The following GALNT9 variants were observed in gnomAD, a reference collection of about 807,000 sequenced individuals.
GALNT9 encodes polypeptide N-acetylgalactosaminyltransferase 9.
GALNT9 carries 47 observed loss-of-function variants against 63.1 expected under a neutral mutation model. The observed-to-expected ratio is 0.75, with a 90% CI of 0.59 to 0.95. The LOEUF is 0.95. Ranked by LOEUF, GALNT9 falls within the 40% of genes least tolerant of loss-of-function variation. GALNT9 has a pLI of 0.00. For synonymous variants in GALNT9, 396 were observed against 365.7 expected (o/e 1.08, Z -0.94); for missense variants, 829 against 874.8 (o/e 0.95, Z 0.66).
intron 2 of GALNT9, among the ~76,000 whole-genome samples, chr12:132,268,011 A>C (rs1879709982): frequency 6.6e-6 from 1 of 151,666 alleles, no homozygotes; most frequent in Non-Finnish European, 1.5e-5. Flanking sequence ...ACACAGGCAG[A>C]TACACACGAA....
intron 4 of GALNT9, among the ~76,000 whole-genome samples, chr12:132,258,093 G>C (rs1001603109): frequency 2.6e-5 from 4 of 152,196 alleles, no homozygotes; most frequent in Non-Finnish European, 5.9e-5. Flanking sequence ...CCTCACCCCT[G>C]CTGGGGTAGC....
chr12:132,322,667 G>A (rs1469738396), intron 1 of GALNT9, among the ~76,000 whole-genome samples: 1 of 152,162 alleles, frequency 6.6e-6, no homozygotes, highest in Non-Finnish European at 1.5e-5. Flanking sequence ...GCATGGGAGG[G>A]GGGTTTGCAG....
At chr12:132,308,185 G>A (rs1367992797) in intron 1 of GALNT9, among the ~76,000 whole-genome samples, 1 of 152,212 alleles carries the variant, frequency 6.6e-6, no homozygotes, top group Non-Finnish European at 1.5e-5. Context: ...AGCTGGGAGG[G>A]AAGGACAGAC....
At chr12:132,202,252 AGTTGCCCACACACTTG>A (rs1396872554) in intron 7 of GALNT9, among the ~76,000 whole-genome samples, 1 of 152,170 alleles carries the variant, frequency 6.6e-6, no homozygotes, top group Non-Finnish European at 1.5e-5. Flanking sequence ...CACCTCACTC[AGTTGCCCACACACTTG>A]GGGAGGTCAT....
Position 132,203,491 on chromosome 12 carries a change from T to G in GALNT9, c.1263+14A>C, listed in dbSNP as rs1296256945. On this transcript the variant is annotated intron_variant, in intron 7 of 10. Coordinates refer to ENST00000328957, the MANE Select transcript of GALNT9 (RefSeq NM_001122636.2). Reference sequence around the variant, plus strand: ...TGGGGCATGGCCCCGGCTCCCGGCCTGTGGGGGACTCACCGACATGGGGAT... The same window carrying G: ...TGGGGCATGGCCCCGGCTCCCGGCCGGTGGGGGACTCACCGACATGGGGAT... 7 of 1,612,534 alleles carry G rather than the reference T, an allele frequency of 4.3e-6. No individual in the cohort carries two copies. The African/African-American group carries it at 6.7e-5, about 15-fold the overall frequency.
intron 5 of GALNT9, among the ~76,000 whole-genome samples, chr12:132,249,154 T>C (rs1878819741): frequency 6.6e-6 from 1 of 152,232 alleles, no homozygotes; most frequent in Non-Finnish European, 1.5e-5. Context: ...TCATCTTTGC[T>C]GAAAGATTTT....
chr12:132,227,805 C>A (rs1432340993), intron 6 of GALNT9, among the ~76,000 whole-genome samples: 1 of 152,030 alleles, frequency 6.6e-6, no homozygotes, highest in Admixed American at 6.5e-5. Flanking sequence ...GAGGCAGGGT[C>A]CAAAGGCAAC....
intron 6 of GALNT9, among the ~76,000 whole-genome samples, chr12:132,215,422 C>T (rs866519855): frequency 2.0e-5 from 3 of 152,202 alleles, no homozygotes; most frequent in African/African-American, 7.2e-5. Flanking sequence ...TGGGTGTGGC[C>T]CTCGCTCTTG....
Position 132,286,257 on chromosome 12 carries a change from G to A in GALNT9, c.412C>T (p.Pro138Ser). The A allele has an allele frequency of 1.3e-6, 2 of 1,550,314 alleles. No individual in the cohort carries two copies. ...SLDRSIPDYR[P>S]RKCRQMSYAQ... Reference sequence around the variant, plus strand: ...GGGCAGTCACTCACTCACTTTCTGGGCCGGTAGTCGGGGATGCTCCGATCG... The same window carrying A: ...GGGCAGTCACTCACTCACTTTCTGGACCGGTAGTCGGGGATGCTCCGATCG... Residue 138 changes from proline (P) to serine (S), a missense_variant, in exon 2 of 11, where the codon CCC becomes TCC. Physicochemically the swap from Pro to Ser is moderately conservative, Grantham distance 74. Coordinates refer to ENST00000328957, the MANE Select transcript of GALNT9 (RefSeq NM_001122636.2). This position sits in a 1 kb window ranked among gnomAD's most constrained non-coding sequence, Gnocchi z 7.4.
intron 2 of GALNT9, chr12:132,273,356 G>C (rs782066028): frequency 6.6e-6 from 1 of 152,318 alleles, no homozygotes; most frequent in African/African-American, 2.4e-5. Flanking sequence ...TGATGCGCCC[G>C]CCTCGGCCTG....
At chr12:132,214,438 C>G (rs1012361469) in intron 6 of GALNT9, among the ~76,000 whole-genome samples, 1 of 152,150 alleles carries the variant, frequency 6.6e-6, no homozygotes, top group East Asian at 1.9e-4. Context: ...TAGTGAGCAC[C>G]CCCCCAGCGT....
chr12:132,285,585 C>G (rs555610930), intron 2 of GALNT9, among the ~76,000 whole-genome samples: 4 of 152,232 alleles, frequency 2.6e-5, no homozygotes, highest in Admixed American at 2.6e-4. Context: ...GCGCAGGCCA[C>G]GGATGGAACG....
Position 132,319,518 on chromosome 12 carries a change from C to T in GALNT9, c.238+9448G>A, listed in dbSNP as rs1868681728. On this transcript the variant is annotated intron_variant, in intron 1 of 10. Transcript: ENST00000328957. The surrounding 1 kb of genome is among the most constrained non-coding windows in gnomAD (Gnocchi z 5.2). ...TCCCGGGCCTGCAGCTTGCAGACGGCAGATGATGGGGCCTCTTGGTCTGCA... is the reference window on the plus strand; with the variant it reads ...TCCCGGGCCTGCAGCTTGCAGACGGTAGATGATGGGGCCTCTTGGTCTGCA... Among the ~76,000 whole-genome samples the T allele has an allele frequency of 6.6e-6, 1 of 152,228 alleles. No individual in the cohort carries two copies. The highest frequency in any genetic ancestry group is 2.4e-5 in the African/African-American group (1 of 41,462).
chr12:132,326,824 C>A (rs1869056798), intron 1 of GALNT9, among the ~76,000 whole-genome samples: 1 of 152,214 alleles, frequency 6.6e-6, no homozygotes, highest in African/African-American at 2.4e-5. Flanking sequence ...TCTTACACAC[C>A]TTTTAGCACT....
Position 132,329,379 on chromosome 12 carries a change from G to A in GALNT9, c.-176C>T. 1 of 981,560 alleles carries A rather than the reference G, an allele frequency of 1.0e-6. No homozygotes were observed. Among genetic ancestry groups the A allele is most frequent in the Non-Finnish European group, 1.4e-6 (1 of 733,504 alleles). The allele number at this position is 981,560 out of a possible 1,614,324, so 60.8% of individuals were successfully genotyped here. ...AGCGCGCCGGGCCACGGCCGCCGGG[G>A]GTCCCCCAGAGCGCAGAGGGCTGCC... On this transcript the variant is annotated 5_prime_UTR_variant, in exon 1 of 11. Transcript: ENST00000328957.
chr12:132,316,409 G>A lies in GALNT9; in HGVS notation c.238+12557C>T, dbSNP rs1351849625. Among the ~76,000 whole-genome samples, 1 of 152,068 alleles carries A rather than the reference G, an allele frequency of 6.6e-6. No individual in the cohort carries two copies. The highest frequency in any genetic ancestry group is 2.4e-5 in the African/African-American group (1 of 41,386). Reference sequence around the variant, plus strand: ...TATACTTCCTTTAAAAATCTATTTAGTGCTATAGCTTCACTAAAAAAGGAA... The same window carrying A: ...TATACTTCCTTTAAAAATCTATTTAATGCTATAGCTTCACTAAAAAAGGAA... On this transcript the variant is annotated intron_variant, in intron 1 of 10. Coordinates refer to ENST00000328957, the MANE Select transcript of GALNT9 (RefSeq NM_001122636.2). The surrounding 1 kb of genome is among the most constrained non-coding windows in gnomAD (Gnocchi z 4.3).
intron 8 of GALNT9, among the ~76,000 whole-genome samples, chr12:132,199,508 G>A (rs1222833850): frequency 2.0e-5 from 3 of 152,126 alleles, no homozygotes; most frequent in Admixed American, 2.0e-4. Context: ...TCACTCCATA[G>A]GGGAACACTT....
chr12:132,240,627 T>C (rs146854432), intron 6 of GALNT9: 2 of 451,956 alleles, frequency 4.4e-6, no homozygotes, highest in South Asian at 1.6e-5. Context: ...TCGGCTGTGC[T>C]CTATGGGCCT....
At chr12:132,289,996 G>T (rs1880746125) in intron 1 of GALNT9, among the ~76,000 whole-genome samples, 1 of 152,194 alleles carries the variant, frequency 6.6e-6, no homozygotes, top group Admixed American at 6.5e-5. Flanking sequence ...TTCCTTGGCT[G>T]GTGGAGTCAG....
Sources: allele counts gnomAD v4.1 joint callset (sites outside exome capture counted in the v4.1 genomes callset), GRCh38; gene constraint gnomAD v4.1.1; non-coding constraint Gnocchi (gnomAD v3.1); transcripts MANE v1.5; gene names NCBI Gene and HGNC (gene_info 2026-07-23, HGNC 2026-07-21).